The following SLC13A5 variants were observed in gnomAD, a reference collection of about 807,000 sequenced individuals.
SLC13A5 encodes the protein solute carrier family 13 member 5, also known as Na(+)/citrate cotransporter.
In SLC13A5, 25 loss-of-function variants were observed where a neutral mutation model predicts 56.5. The ratio of observed to expected loss-of-function variants is 0.44; its 90% confidence interval spans 0.32 to 0.62. SLC13A5 has a LOEUF of 0.62. SLC13A5 is among the 20% of genes least tolerant of loss of function. SLC13A5 has a pLI of 0.04. For missense variants in SLC13A5, 649 were observed against 737.8 expected (o/e 0.88, Z 1.39); for synonymous variants, 307 against 301.5 (o/e 1.02, Z -0.19).
intron 3 of SLC13A5, chr17:6,704,602 G>A: frequency 3.9e-6 from 1 of 253,340 alleles, no homozygotes; most frequent in South Asian, 5.0e-5. Flanking sequence ...TCTCCCGGCT[G>A]CCACTCCAAC....
intron 8 of SLC13A5, 68 bp from the exon 9 acceptor site, chr17:6,693,230 C>G: frequency 1.1e-6 from 1 of 906,062 alleles, no homozygotes; most frequent in Non-Finnish European, 1.6e-6. Context: ...CACACACACA[C>G]CAGAGCAGCA....
At position 6,685,404 on chromosome 17, in the gene SLC13A5, G is replaced by A. The variant is rs1468377119; in HGVS notation, c.*803C>T. 1.3e-5 allele frequency: 2 copies of A among 152,284 alleles called. No homozygotes were observed. The highest frequency in any genetic ancestry group is 2.9e-5 in the Non-Finnish European group (2 of 68,072). The allele number at this position is 152,284 out of a possible 1,614,324, so 9.4% of individuals were successfully genotyped here. A position where few individuals can be genotyped will look rare whatever the true frequency, so the allele number is the denominator to read the frequency against. On this transcript the variant is annotated 3_prime_UTR_variant, in exon 12 of 12. Coordinates refer to ENST00000433363, the MANE Select transcript of SLC13A5 (RefSeq NM_177550.5). This position sits in a 1 kb window ranked among gnomAD's most constrained non-coding sequence, Gnocchi z 4.2. The stretch of plus-strand genomic sequence containing the variant: ...TGGGAGAAAAGGGGGACCCCAGAGG[G>A]TGCCAGCCAAGGCGTCTCGGCAAAT...
At chr17:6,705,230 T>A (rs541026207) in intron 3 of SLC13A5, 6 of 152,266 alleles carry the variant, frequency 3.9e-5, no homozygotes, top group Admixed American at 2.6e-4. Context: ...AATGGAGTTG[T>A]CTGAGAAGAA....
At chr17:6,705,974 TCA>T (rs1045179416) in intron 3 of SLC13A5, among the ~76,000 whole-genome samples, 3 of 152,216 alleles carry the variant, frequency 2.0e-5, no homozygotes, top group African/African-American at 7.2e-5. Flanking sequence ...TACTCAGCTC[TCA>T]GAGTTGTGGT....
At chr17:6,698,866 C>T (rs113868475) in intron 6 of SLC13A5, among the ~76,000 whole-genome samples, 234 of 151,830 alleles carry the variant, frequency 1.5e-3, no homozygotes, top group African/African-American at 5.4e-3. Context: ...GGCAAAACCC[C>T]ATCTCTACTA....
At chr17:6,699,862 T>A (rs1019616569) in intron 6 of SLC13A5, among the ~76,000 whole-genome samples, 1 of 152,210 alleles carries the variant, frequency 6.6e-6, no homozygotes, top group Non-Finnish European at 1.5e-5. Context: ...CACCTCGGCC[T>A]CCAAAAATGT....
chr17:6,690,962 G>T (rs761392466), intron 9 of SLC13A5, 22 bp from the exon 10 acceptor site: 97 of 1,586,366 alleles, frequency 6.1e-5, no homozygotes, highest in Non-Finnish European at 8.3e-5. Context: ...CAGGAGGGCA[G>T]TCATCTCAGC....
At position 6,694,113 on chromosome 17, in the gene SLC13A5, G is replaced by A; in HGVS notation, c.1140C>T (p.Arg380=). 9 of 1,612,992 alleles carry A rather than the reference G, an allele frequency of 5.6e-6. No homozygotes were observed. Among genetic ancestry groups the A allele is most frequent in the Non-Finnish European group, 6.8e-6 (8 of 1,179,230 alleles). ...GAGACTTACCTTCCTCAGTCTGGCT[G>A]CGGAAGTTAAACTTGGGCTTCTGTG... ...VPSQKPKFNF[R]SQTEEERKTP... Residue 380 remains arginine (R), a synonymous_variant, in exon 8 of 12, where the codon CGC becomes CGT. Transcript: ENST00000433363.
chr17:6,712,450 C>T (rs1205472438), intron 1 of SLC13A5, among the ~76,000 whole-genome samples: 3 of 152,260 alleles, frequency 2.0e-5, no homozygotes, highest in Non-Finnish European at 4.4e-5. Context: ...CATTCTCTCT[C>T]TCCCTCACAG....
chr17:6,704,023 G>A lies in SLC13A5; in HGVS notation c.402C>T (p.Leu134=), dbSNP rs1336828226. The change falls in exon 4 of 12, where the codon CTC becomes CTT. Residue 134 remains leucine (L), a synonymous_variant. Transcript: ENST00000433363. ...LMLGFMGVTA[L]LSMWISNTAT... ...CCGTGTTACTGATCCACATGGACAG[G>A]AGGGCTGTGACGCCCATGAAGCCCA... 4 of 1,612,904 alleles carry A rather than the reference G, an allele frequency of 2.5e-6. No individual in the cohort carries two copies. The highest frequency in any genetic ancestry group is 3.3e-5 in the Admixed American group (2 of 59,986).
chr17:6,687,859 A>T lies in SLC13A5; in HGVS notation c.1438-193T>A. 1 of 607,540 alleles carries T rather than the reference A, an allele frequency of 1.6e-6. No homozygotes were observed. The highest frequency in any genetic ancestry group is 2.6e-6 in the Non-Finnish European group (1 of 380,602). The allele number at this position is 607,540 out of a possible 1,614,324, so 37.6% of individuals were successfully genotyped here. On this transcript the variant is annotated intron_variant, in intron 10 of 11. Coordinates refer to ENST00000433363, the MANE Select transcript of SLC13A5 (RefSeq NM_177550.5). The surrounding 1 kb of genome is among the most constrained non-coding windows in gnomAD (Gnocchi z 5.0). ...ACACTGAAGGCTGAGGTCAGAGGCC[A>T]CCTGCCCTAGAAGGCCTTACCCCCT...
At chr17:6,689,627 T>A (rs1973342295) in intron 10 of SLC13A5, 1 of 152,230 alleles carries the variant, frequency 6.6e-6, no homozygotes, top group Admixed American at 6.5e-5. Context: ...GGCGTCTGTT[T>A]GGACAGTCTG....
At chr17:6,704,404 C>A in intron 3 of SLC13A5, 1 of 422,620 alleles carries the variant, frequency 2.4e-6, no homozygotes, top group Non-Finnish European at 4.7e-6. Context: ...CAGATGGTGC[C>A]AACTCAATAT....
chr17:6,706,490 A>T, intron 3 of SLC13A5, 152 bp downstream of exon 3: 4 of 1,125,702 alleles, frequency 3.6e-6, no homozygotes, highest in Non-Finnish European at 5.0e-6. Context: ...GGTCTCTCCC[A>T]CTAAAGCTAT....
intron 11 of SLC13A5, chr17:6,686,678 T>C (rs552596859): frequency 1.8e-5 from 5 of 270,974 alleles, no homozygotes; most frequent in Non-Finnish European, 3.7e-5. Context: ...CTCACCCCAG[T>C]GCCTTAACTA....
At position 6,711,811 on chromosome 17, in the gene SLC13A5, G is replaced by A. The variant is rs1974047492; in HGVS notation, c.102+1421C>T. 6.6e-6 allele frequency among the ~76,000 whole-genome samples: 1 copy of A among 152,034 alleles called. No homozygotes were observed. The highest frequency in any genetic ancestry group is 2.1e-4 in the South Asian group (1 of 4,828). On this transcript the variant is annotated intron_variant, in intron 1 of 11. Transcript: ENST00000433363. This position sits in a 1 kb window ranked among gnomAD's most constrained non-coding sequence, Gnocchi z 4.0. ...AACATCACTCCCTACCAGCAGAGCT[G>A]AAATCGCAGCTCTCCTGCCTGGCTA... is the stretch of plus-strand genomic sequence containing the variant.
chr17:6,707,369 C>T (rs536639942), intron 1 of SLC13A5, among the ~76,000 whole-genome samples: 2 of 152,286 alleles, frequency 1.3e-5, no homozygotes, highest in Non-Finnish European at 2.9e-5. Flanking sequence ...CCCATTCCCA[C>T]CCCTCCTCCC....
In SLC13A5 at chr17:6,700,515, T is replaced by G. The variant is rs117953950; in HGVS notation, c.839+489A>C. ...TGGACCCACACGGCAAAGAGGAAGC[T>G]TGTCCAGCAATGTCGAACTGGCACG... On this transcript the variant is annotated intron_variant, in intron 6 of 11. Transcript: ENST00000433363. Among the ~76,000 whole-genome samples, 602 of 152,372 alleles carry G rather than the reference T, an allele frequency of 4.0e-3. 2 individuals carry two copies. Among genetic ancestry groups the G allele is most frequent in the Middle Eastern group, 0.02 (6 of 294 alleles).
chr17:6,712,028 T>C (rs1170420088), intron 1 of SLC13A5, among the ~76,000 whole-genome samples: 1 of 152,144 alleles, frequency 6.6e-6, no homozygotes, highest in African/African-American at 2.4e-5. Context: ...CGTTAATCCC[T>C]TTTGATTCCC....
Sources: allele counts gnomAD v4.1 joint callset (sites outside exome capture counted in the v4.1 genomes callset), GRCh38; gene constraint gnomAD v4.1.1; non-coding constraint Gnocchi (gnomAD v3.1); transcripts MANE v1.5; gene names NCBI Gene and HGNC (gene_info 2026-07-23, HGNC 2026-07-21).